The following RCOR3 variants were observed in gnomAD, a reference collection of about 807,000 sequenced individuals.
RCOR3 encodes the protein REST corepressor 3.
Under a neutral mutation model 64.1 loss-of-function variants are expected in RCOR3, and 13 were observed. That is an observed-to-expected ratio of 0.20 (90% CI 0.13 to 0.32). RCOR3 has a LOEUF of 0.32. Ranked by LOEUF, RCOR3 falls within the 10% of genes least tolerant of loss-of-function variation. RCOR3 has a pLI of 1.00. For missense variants in RCOR3, 489 were observed against 701.2 expected (o/e 0.70, Z 3.42); for synonymous variants, 215 against 239.0 (o/e 0.90, Z 0.93).
intron 8 of RCOR3, among the ~76,000 whole-genome samples, chr1:211,291,339 T>C (rs1248436649): frequency 6.6e-6 from 1 of 152,204 alleles, no homozygotes; most frequent in Non-Finnish European, 1.5e-5. Flanking sequence ...AGCACTGACA[T>C]AATGCTCAAA....
Position 211,313,350 on chromosome 1 carries a change from C to G in RCOR3, c.1318-74C>G, listed in dbSNP as rs957020239. 1.3e-5 allele frequency: 20 copies of G among 1,512,598 alleles called. No homozygotes were observed. The highest frequency in any genetic ancestry group is 1.6e-5 in the Non-Finnish European group (18 of 1,133,618). 93.7% of individuals were successfully genotyped at this position (1,512,598 alleles called of 1,614,324 possible). Reference sequence around the variant, plus strand: ...TTGATTTGTTTTGTTTTTCCTGTGACAGCCCAAACTATATTGTATTAAGTT... The same window carrying G: ...TTGATTTGTTTTGTTTTTCCTGTGAGAGCCCAAACTATATTGTATTAAGTT... On this transcript the variant is annotated intron_variant, in intron 11 of 11. Transcript: ENST00000419091. This position sits in a 1 kb window ranked among gnomAD's most constrained non-coding sequence, Gnocchi z 4.7.
Position 211,289,312 on chromosome 1 carries a change from T to C in RCOR3, c.855T>C (p.Asp285=), listed in dbSNP as rs1006115682. ...AGGGCATGTATTTAACCCAGGAAGA[T>C]GTGGTAGCAGTTTCCTGTAGTCCCA... The part of the protein sequence containing the change: ...PPKGMYLTQE[D]VVAVSCSPNA... The change falls in exon 8 of 12, where the codon GAT becomes GAC. Residue 285 remains aspartate, a synonymous_variant. Coordinates refer to ENST00000419091, the MANE Select transcript of RCOR3 (RefSeq NM_001136223.3). 4.3e-6 allele frequency: 7 copies of C among 1,614,058 alleles called. No homozygotes were observed. The highest frequency in any genetic ancestry group is 1.3e-5 in the African/African-American group (1 of 74,926).
intron 8 of RCOR3, among the ~76,000 whole-genome samples, chr1:211,291,054 G>A (rs1303123348): frequency 6.6e-6 from 1 of 151,778 alleles, no homozygotes; most frequent in Non-Finnish European, 1.5e-5. Context: ...TAATATTACA[G>A]TAGTCCTCCC....
rs943221328 is a variant in RCOR3, at chr1:211,316,100, T to C, written c.*2332T>C. 7.2e-5 allele frequency: 11 copies of C among 152,196 alleles called. No homozygotes were observed. Among genetic ancestry groups the C allele is most frequent in the Non-Finnish European group, 7.3e-5 (5 of 68,036 alleles). 9.4% of individuals were successfully genotyped at this position (152,196 alleles called of 1,614,324 possible). On this transcript the variant is annotated 3_prime_UTR_variant, in exon 12 of 12. Coordinates refer to ENST00000419091, the MANE Select transcript of RCOR3 (RefSeq NM_001136223.3). ...ACTGTGAAATTCGAAATAATGATTT[T>C]TATAAAAGCAAAACTAGAAATCTTT...
chr1:211,261,376 C>CT (rs1694247561), intron 2 of RCOR3, among the ~76,000 whole-genome samples: 4 of 152,094 alleles, frequency 2.6e-5, no homozygotes, highest in Admixed American at 2.6e-4. Flanking sequence ...TCGGGACAGT[C>CT]TCATTTTTAA....
intron 2 of RCOR3, chr1:211,267,833 T>C (rs1274148214): frequency 2.7e-6 from 1 of 374,398 alleles, no homozygotes; most frequent in Non-Finnish European, 5.2e-6. Context: ...GCTCAAGCCA[T>C]CCGCCCTCCT....
Position 211,313,433 on chromosome 1 carries a change from C to G in RCOR3, c.1327C>G (p.Pro443Ala). ...STDEEEEAQTPQAPRTLGPSP... is the reference protein window; with the variant it reads ...STDEEEEAQTAQAPRTLGPSP... ...GTTTCCTCACCTCTAGGCACAGACCCCACAGGCTCCTCGGACACTGGGTCC... is the reference window on the plus strand; with the variant it reads ...GTTTCCTCACCTCTAGGCACAGACCGCACAGGCTCCTCGGACACTGGGTCC... The change falls in exon 12 of 12, where the codon CCA (proline) becomes GCA (alanine). Residue 443 changes from proline to alanine, a missense_variant. Pro to Ala is a conservative substitution (Grantham distance 27). This residue lies in a region of RCOR3 where 402 missense variants were observed against 617.0 expected (regional missense o/e 0.65). Coordinates refer to ENST00000419091, the MANE Select transcript of RCOR3 (RefSeq NM_001136223.3). The surrounding 1 kb of genome is among the most constrained non-coding windows in gnomAD (Gnocchi z 4.7). 6.2e-7 allele frequency: 1 copy of G among 1,613,504 alleles called. No homozygotes were observed.
At position 211,259,538 on chromosome 1, in the gene RCOR3, CT is replaced by C. The variant is rs1558029298; in HGVS notation, c.-20del. On this transcript the variant is annotated 5_prime_UTR_variant, in exon 1 of 12. Transcript: ENST00000419091. ...CCTGACGCCTGCCTCTTCCCCTCAC[CT>C]TTCCCCCTCCCCTGTTCTACCATGC... is the stretch of plus-strand genomic sequence containing the variant. The C allele has an allele frequency of 6.5e-7, 1 of 1,543,730 alleles. No individual in the cohort carries two copies.
intron 2 of RCOR3, among the ~76,000 whole-genome samples, chr1:211,261,649 C>T (rs1376857179): frequency 1.3e-5 from 2 of 152,078 alleles, no homozygotes; most frequent in South Asian, 2.1e-4. Context: ...ACGCCAGGCG[C>T]GGTGGCTCAC....
At chr1:211,289,930 A>G (rs1699038406) in intron 8 of RCOR3, among the ~76,000 whole-genome samples, 1 of 152,190 alleles carries the variant, frequency 6.6e-6, no homozygotes, top group Admixed American at 6.5e-5. Context: ...GTAACCTTAG[A>G]GGAGCTCTTT....
In RCOR3 at chr1:211,259,472, C is replaced by G; in HGVS notation, c.-89C>G. 1.5e-6 allele frequency: 2 copies of G among 1,372,650 alleles called. No homozygotes were observed. Among genetic ancestry groups the G allele is most frequent in the South Asian group, 1.3e-5 (1 of 74,212 alleles). 85.0% of individuals were successfully genotyped at this position (1,372,650 alleles called of 1,614,324 possible). Reference sequence around the variant, plus strand: ...CCGCCGCCGTCTCCTCCTCCTCCTCCTTTCCCTCCCGCCCGCGCTCTAAGC... The same window carrying G: ...CCGCCGCCGTCTCCTCCTCCTCCTCGTTTCCCTCCCGCCCGCGCTCTAAGC... On this transcript the variant is annotated 5_prime_UTR_variant, in exon 1 of 12. Coordinates refer to ENST00000419091, the MANE Select transcript of RCOR3 (RefSeq NM_001136223.3).
In RCOR3 at chr1:211,259,690, G is replaced by C; in HGVS notation, c.130G>C (p.Glu44Gln). ...SSTNGGLHYS[E>Q]PESGCSSDDE... ...CACCAACGGCGGGCTGCACTACTCA[G>C]AGCCCGAGAGCGGCTGCAGCAGCGA... The change falls in exon 1 of 12, where the codon GAG becomes CAG. Residue 44 changes from glutamate to glutamine, a missense_variant. Around this residue, in one of 2 missense-constraint regions of RCOR3, gnomAD observed 87 missense variants for 84.3 expected, o/e 1.03. Transcript: ENST00000419091. The C allele has an allele frequency of 6.5e-7, 1 of 1,535,290 alleles. No homozygotes were observed. Among genetic ancestry groups the C allele is most frequent in the Non-Finnish European group, 8.8e-7 (1 of 1,140,098 alleles).
chr1:211,278,322 T>G, intron 6 of RCOR3, 81 bp downstream of exon 6: 1 of 1,403,390 alleles, frequency 7.1e-7, no homozygotes, highest in East Asian at 2.4e-5. Context: ...AGAAAAGTTA[T>G]CACAACACAT....
rs540693824 is a variant in RCOR3 at position 211,300,039 on chromosome 1, C to T, written c.1018-4044C>T. ...CTGTTTAATCCTATACAGTTTCAAC[C>T]GTCCCCTCTGCATTTTTCTTTTTCT... On this transcript the variant is annotated intron_variant, in intron 9 of 11. Transcript: ENST00000419091. Among the ~76,000 whole-genome samples the T allele has an allele frequency of 9.3e-5, 14 of 150,192 alleles. No individual in the cohort carries two copies. The East Asian group carries it at 2.3e-3, about 25-fold the overall frequency.
At chr1:211,275,718 A>C (rs1317993722) in intron 4 of RCOR3, among the ~76,000 whole-genome samples, 5 of 152,166 alleles carry the variant, frequency 3.3e-5, no homozygotes, top group African/African-American at 1.2e-4. Flanking sequence ...TGTTCTGATA[A>C]TAAGTAAATG....
intron 8 of RCOR3, among the ~76,000 whole-genome samples, chr1:211,294,097 C>T (rs1699568059): frequency 6.6e-6 from 1 of 152,140 alleles, no homozygotes; most frequent in African/African-American, 2.4e-5. Context: ...TGTCCTAATG[C>T]AGTTAATATA....
At chr1:211,259,885 A>T in intron 1 of RCOR3, 159 bp downstream of exon 1, 5 of 375,368 alleles carry the variant, frequency 1.3e-5, no homozygotes, top group East Asian at 5.3e-5. Flanking sequence ...CACCCCCGCG[A>T]CCCCCCGTCC....
chr1:211,287,160 C>G (rs1024479511), intron 7 of RCOR3, among the ~76,000 whole-genome samples: 2 of 152,182 alleles, frequency 1.3e-5, no homozygotes, highest in African/African-American at 4.8e-5. Flanking sequence ...TTGGGGCACT[C>G]TTGGGAGACT....
intron 6 of RCOR3, 136 bp downstream of exon 6, chr1:211,278,377 G>C: frequency 2.0e-6 from 2 of 991,500 alleles, no homozygotes; most frequent in Non-Finnish European, 3.0e-6. Flanking sequence ...ACTCTGACAA[G>C]AAGAGCCAAG....
Sources: allele counts gnomAD v4.1 joint callset (sites outside exome capture counted in the v4.1 genomes callset), GRCh38; gene constraint gnomAD v4.1.1; regional missense constraint gnomAD v4.1.1; non-coding constraint Gnocchi (gnomAD v3.1); transcripts MANE v1.5; gene names NCBI Gene and HGNC (gene_info 2026-07-23, HGNC 2026-07-21).